ZNF804B: variants seen among roughly 807,000 people sequenced by gnomAD.
The protein encoded by ZNF804B is zinc finger 804B.
In ZNF804B, 80 loss-of-function variants were observed where a neutral mutation model predicts 101.4. That is an observed-to-expected ratio of 0.79 (90% CI 0.66 to 0.95). ZNF804B has a LOEUF of 0.95. Ranked by LOEUF, ZNF804B falls within the 40% of genes least tolerant of loss-of-function variation. The probability of loss-of-function intolerance (pLI) is 0.00; values close to 1 mark genes in which losing one functional copy is unlikely to be tolerated. For missense variants in ZNF804B, 1,673 were observed against 1,561.9 expected (o/e 1.07, Z -1.20); for synonymous variants, 622 against 558.8 (o/e 1.11, Z -1.59).
chr7:89,277,469 C>A (rs1790002823), intron 2 of ZNF804B, among the ~76,000 whole-genome samples: 1 of 5,848 alleles, frequency 1.7e-4, no homozygotes, highest in Non-Finnish European at 4.1e-4. Context: ...CCAATGCTAT[C>A]CCTCCCCCCT....
At chr7:89,083,420 T>A (rs1789726719) in intron 1 of ZNF804B, among the ~76,000 whole-genome samples, 1 of 151,518 alleles carries the variant, frequency 6.6e-6, no homozygotes, top group South Asian at 2.1e-4. Context: ...TTCTGATCAT[T>A]TGGGGGAATG....
chr7:89,301,985 A>G (rs999632971), intron 2 of ZNF804B, among the ~76,000 whole-genome samples: 1 of 151,930 alleles, frequency 6.6e-6, no homozygotes, highest in African/African-American at 2.4e-5. Flanking sequence ...AAATGCTATG[A>G]CTTTATATGA....
chr7:89,156,812 G>A (rs192731180), intron 1 of ZNF804B, among the ~76,000 whole-genome samples: 13 of 152,168 alleles, frequency 8.5e-5, no homozygotes, highest in East Asian at 1.9e-4. Flanking sequence ...GAATGCTGGC[G>A]CCTAGATATA....
chr7:89,291,254 T>C (rs974642832), intron 2 of ZNF804B, among the ~76,000 whole-genome samples: 1 of 151,496 alleles, frequency 6.6e-6, no homozygotes. Flanking sequence ...ATTGACACCA[T>C]CTAGAAAATA....
intron 1 of ZNF804B, among the ~76,000 whole-genome samples, chr7:88,787,405 A>T (rs890172178): frequency 6.6e-6 from 1 of 152,136 alleles, no homozygotes; most frequent in East Asian, 1.9e-4. Flanking sequence ...GTAAGTGTTT[A>T]TGCACACTTC....
At chr7:89,156,908 G>T (rs1790987325) in intron 1 of ZNF804B, among the ~76,000 whole-genome samples, 1 of 152,112 alleles carries the variant, frequency 6.6e-6, no homozygotes, top group Admixed American at 6.6e-5. Context: ...CATTAAGAAA[G>T]ATTCGGAACT....
At chr7:89,256,050 T>C (rs1329347769) in intron 2 of ZNF804B, among the ~76,000 whole-genome samples, 1 of 152,128 alleles carries the variant, frequency 6.6e-6, no homozygotes, top group Non-Finnish European at 1.5e-5. Flanking sequence ...TCAATACTAG[T>C]GTGCTGGGAT....
intron 1 of ZNF804B, among the ~76,000 whole-genome samples, chr7:88,906,260 T>C (rs1364902181): frequency 6.6e-6 from 1 of 152,130 alleles, no homozygotes; most frequent in African/African-American, 2.4e-5. Context: ...CTCAATTTTG[T>C]TCAGTTATTC....
At chr7:89,181,880 T>C (rs140051835) in intron 1 of ZNF804B, among the ~76,000 whole-genome samples, 1 of 152,312 alleles carries the variant, frequency 6.6e-6, no homozygotes, top group Non-Finnish European at 1.5e-5. Context: ...ATAATTTATG[T>C]TGTAATAAAA....
rs1053384995 is a variant in ZNF804B, at chr7:89,324,250, G to A, written c.250-3094G>A. Among the ~76,000 whole-genome samples, 4 of 151,936 alleles carry A rather than the reference G, an allele frequency of 2.6e-5. No homozygotes were observed. The East Asian group carries it at 5.8e-4, about 22-fold the overall frequency. Reference sequence around the variant, plus strand: ...CAGTGGGTATCCATTTTCACTTTGTGTATTTTAATGCTCCATCATCATTAT... The same window carrying A: ...CAGTGGGTATCCATTTTCACTTTGTATATTTTAATGCTCCATCATCATTAT... On this transcript the variant is annotated intron_variant, in intron 2 of 3. Transcript: ENST00000333190.
chr7:88,959,252 A>G (rs917506127), intron 1 of ZNF804B, among the ~76,000 whole-genome samples: 7 of 151,408 alleles, frequency 4.6e-5, no homozygotes, highest in Admixed American at 2.6e-4. Flanking sequence ...TTACAGGTGA[A>G]CTTTGTGAAG....
At chr7:88,843,780 A>T (rs1019121166) in intron 1 of ZNF804B, among the ~76,000 whole-genome samples, 5 of 151,984 alleles carry the variant, frequency 3.3e-5, no homozygotes, top group African/African-American at 1.2e-4. Flanking sequence ...AATGAAGACA[A>T]TGTCAAACTT....
chr7:88,959,884 C>T (rs191608994), intron 1 of ZNF804B, among the ~76,000 whole-genome samples: 1 of 151,500 alleles, frequency 6.6e-6, no homozygotes, highest in East Asian at 2.0e-4. Flanking sequence ...CCTTCTATGG[C>T]CCCAGTTTAT....
intron 1 of ZNF804B, among the ~76,000 whole-genome samples, chr7:89,178,550 A>G (rs916353861): frequency 2.0e-5 from 3 of 152,104 alleles, no homozygotes; most frequent in African/African-American, 4.8e-5. Flanking sequence ...AAACTAATAA[A>G]AACTCTACAC....
At chr7:89,017,882 C>T (rs1363473037) in intron 1 of ZNF804B, among the ~76,000 whole-genome samples, 1 of 151,978 alleles carries the variant, frequency 6.6e-6, no homozygotes, top group East Asian at 1.9e-4. Context: ...TGCAATTTTG[C>T]TGACTCTGTT....
chr7:88,854,414 C>CCTTCCTTCCTTTCTTCCTTTCTTTCTTT (rs1232481883), intron 1 of ZNF804B, among the ~76,000 whole-genome samples: 2 of 57,074 alleles, frequency 3.5e-5, no homozygotes, highest in Admixed American at 2.0e-4. Context: ...TTTCTTTCTT[C>CCTTCCTTCCTTTCTTCCTTTCTTTCTTT]CTTTCTTTCT....
chr7:89,278,218 T>G (rs1244070298), intron 2 of ZNF804B, among the ~76,000 whole-genome samples: 1 of 140,322 alleles, frequency 7.1e-6, no homozygotes, highest in African/African-American at 2.6e-5. Flanking sequence ...TCTTGTAAAT[T>G]TGTTGGAGTT....
At chr7:89,027,398 G>A (rs1788767039) in intron 1 of ZNF804B, among the ~76,000 whole-genome samples, 1 of 152,106 alleles carries the variant, frequency 6.6e-6, no homozygotes. Flanking sequence ...TTCTTCCATT[G>A]TAATAAAACA....
At chr7:89,266,969 A>G (rs780826102) in intron 2 of ZNF804B, among the ~76,000 whole-genome samples, 2 of 152,020 alleles carry the variant, frequency 1.3e-5, no homozygotes, top group African/African-American at 2.4e-5. Context: ...TTGTGAATCA[A>G]TTTAGATAAT....
Sources: gnomAD v4.1 joint callset for allele counts (sites outside exome capture counted in the v4.1 genomes callset) on GRCh38, gnomAD v4.1.1 for gene constraint, MANE v1.5 for transcripts, NCBI Gene and HGNC (gene_info 2026-07-23, HGNC 2026-07-21) for gene names.